The following CNTNAP2 variants were observed in gnomAD, a reference collection of about 807,000 sequenced individuals.
The protein encoded by CNTNAP2 is contactin associated protein 2, also known as contactin-associated protein-like 2.
A neutral mutation model predicts 155.2 loss-of-function variants in CNTNAP2; 98 were observed. The observed-to-expected ratio is 0.63, with a 90% CI of 0.54 to 0.75. The LOEUF (loss-of-function observed/expected upper bound fraction) is 0.75. Among genes scored for constraint, CNTNAP2 ranks in the 30% least tolerant of loss-of-function variants. The pLI, the probability that CNTNAP2 is intolerant of heterozygous loss-of-function variation, is 0.00. For synonymous variants in CNTNAP2, 651 were observed against 631.2 expected (o/e 1.03, Z -0.47); for missense variants, 1,727 against 1,688.1 (o/e 1.02, Z -0.40).
At chr7:147,368,096 TCACACACACACACACACA>T (rs5888250) in intron 9 of CNTNAP2, among the ~76,000 whole-genome samples, 1 of 117,096 alleles carries the variant, frequency 8.5e-6, no homozygotes, top group Non-Finnish European at 1.7e-5. Context: ...TCTCTCTCTG[TCACACACACACACACACA>T]CACACACACA....
chr7:147,194,263 A>T (rs1802738805), intron 8 of CNTNAP2, among the ~76,000 whole-genome samples: 1 of 152,100 alleles, frequency 6.6e-6, no homozygotes, highest in African/African-American at 2.4e-5. Context: ...ACATGATCTC[A>T]TTCCTTTTTA....
intron 13 of CNTNAP2, among the ~76,000 whole-genome samples, chr7:147,742,676 T>C (rs1796974183): frequency 6.6e-6 from 1 of 152,218 alleles, no homozygotes; most frequent in Non-Finnish European, 1.5e-5. Context: ...TCAGCTTCAA[T>C]AGTGAAGCTA....
intron 1 of CNTNAP2, among the ~76,000 whole-genome samples, chr7:146,338,693 C>G (rs1259662622): frequency 6.6e-6 from 1 of 152,090 alleles, no homozygotes; most frequent in African/African-American, 2.4e-5. Flanking sequence ...AATAATTACC[C>G]CATGTTCCAC....
intron 9 of CNTNAP2, among the ~76,000 whole-genome samples, chr7:147,322,212 A>G (rs1333002214): frequency 2.6e-5 from 4 of 152,154 alleles, no homozygotes; most frequent in African/African-American, 7.2e-5. Flanking sequence ...GTATCACCTC[A>G]TTGGCTGGAA....
chr7:147,569,101 TG>T (rs145839951), intron 12 of CNTNAP2, among the ~76,000 whole-genome samples: 2,022 of 152,344 alleles, frequency 0.013, 45 homozygotes, highest in African/African-American at 0.047. Context: ...ACATAATTTG[TG>T]CTTTATAAAG....
At chr7:147,516,893 C>T (rs1488698209) in intron 11 of CNTNAP2, among the ~76,000 whole-genome samples, 2 of 139,426 alleles carry the variant, frequency 1.4e-5, no homozygotes, top group South Asian at 4.5e-4. Flanking sequence ...GACATAATCT[C>T]GCTCTGTGCC....
intron 8 of CNTNAP2, among the ~76,000 whole-genome samples, chr7:147,160,204 T>C (rs1326552461): frequency 6.6e-6 from 1 of 152,060 alleles, no homozygotes; most frequent in Non-Finnish European, 1.5e-5. Context: ...ATAATTTCAG[T>C]TGATGTAAAA....
At chr7:146,529,353 G>A (rs1189615343) in intron 1 of CNTNAP2, among the ~76,000 whole-genome samples, 1 of 152,130 alleles carries the variant, frequency 6.6e-6, no homozygotes, top group Non-Finnish European at 1.5e-5. Flanking sequence ...AAAATGGTCA[G>A]TATATAACTT....
At chr7:146,996,986 G>C (rs1287632229) in intron 3 of CNTNAP2, among the ~76,000 whole-genome samples, 2 of 152,076 alleles carry the variant, frequency 1.3e-5, no homozygotes, top group African/African-American at 2.4e-5. Flanking sequence ...CTTGCCTGCT[G>C]CCATGTAAGA....
chr7:146,311,174 A>G (rs914600884), intron 1 of CNTNAP2, among the ~76,000 whole-genome samples: 1 of 152,336 alleles, frequency 6.6e-6, no homozygotes, highest in East Asian at 1.9e-4. Context: ...TTTGTGCTCC[A>G]ATAAATGTGA....
intron 3 of CNTNAP2, among the ~76,000 whole-genome samples, chr7:146,914,079 A>G (rs1796343851): frequency 6.6e-6 from 1 of 152,056 alleles, no homozygotes; most frequent in Admixed American, 6.6e-5. Flanking sequence ...ATGAATGCCA[A>G]TATTTCATTA....
intron 12 of CNTNAP2, among the ~76,000 whole-genome samples, chr7:147,608,904 G>C (rs1486326652): frequency 2.6e-5 from 4 of 152,160 alleles, no homozygotes; most frequent in Non-Finnish European, 5.9e-5. Flanking sequence ...GGCAGGCAGG[G>C]GCGGGGGTCA....
At chr7:147,668,884 C>G (rs1343588052) in intron 13 of CNTNAP2, among the ~76,000 whole-genome samples, 1 of 152,146 alleles carries the variant, frequency 6.6e-6, no homozygotes, top group Non-Finnish European at 1.5e-5. Context: ...CATCCTGTCA[C>G]CACTCACTGA....
At chr7:146,916,557 G>A (rs546988154) in intron 3 of CNTNAP2, among the ~76,000 whole-genome samples, 1 of 151,954 alleles carries the variant, frequency 6.6e-6, no homozygotes, top group Non-Finnish European at 1.5e-5. Flanking sequence ...TTTAATCTAG[G>A]AGGGTTGTAT....
chr7:147,839,939 T>TACACAC lies in CNTNAP2; in HGVS notation c.2099-63614_2099-63609dup, dbSNP rs376480999. On this transcript the variant is annotated intron_variant, in intron 13 of 23. Transcript: ENST00000361727. ...TGTGTGCTGTGTATATATATATGTA[T>TACACAC]ACACACACACACACACATATATATA... Among the ~76,000 whole-genome samples the TACACAC allele has an allele frequency of 1.9e-3, 290 of 149,852 alleles. 2 individuals are homozygous for TACACAC. The highest frequency in any genetic ancestry group is 0.012 in the East Asian group (61 of 4,970).
intron 1 of CNTNAP2, among the ~76,000 whole-genome samples, chr7:146,364,431 T>C (rs1795127094): frequency 6.6e-6 from 1 of 152,194 alleles, no homozygotes. Context: ...AGTATTCTTT[T>C]CACTGTACTT....
intron 15 of CNTNAP2, among the ~76,000 whole-genome samples, chr7:148,021,725 T>G (rs190568279): frequency 6.6e-6 from 1 of 152,296 alleles, no homozygotes; most frequent in Admixed American, 6.5e-5. Context: ...AATGCAGGAA[T>G]GTGCTCACAG....
chr7:147,098,278 T>G (rs1800585893), intron 4 of CNTNAP2, among the ~76,000 whole-genome samples: 1 of 152,172 alleles, frequency 6.6e-6, no homozygotes, highest in Non-Finnish European at 1.5e-5. Context: ...GAGCATTAAG[T>G]CTTTAATCTT....
At chr7:147,980,933 CAAAAAAAAAAAAA>C (rs34927518) in intron 15 of CNTNAP2, among the ~76,000 whole-genome samples, 5 of 94,006 alleles carry the variant, frequency 5.3e-5, no homozygotes, top group African/African-American at 2.2e-4. Flanking sequence ...TCCATCTTAA[CAAAAAAAAAAAAA>C]AAAAAAAAAA....
Sources: gnomAD v4.1 joint callset for allele counts (sites outside exome capture counted in the v4.1 genomes callset) on GRCh38, gnomAD v4.1.1 for gene constraint, MANE v1.5 for transcripts, NCBI Gene and HGNC (gene_info 2026-07-23, HGNC 2026-07-21) for gene names.